TTLL5: variants seen among roughly 807,000 people sequenced by gnomAD.
The protein encoded by TTLL5 is tubulin polyglutamylase TTLL5.
Under a neutral mutation model 168.4 loss-of-function variants are expected in TTLL5, and 132 were observed. That is an observed-to-expected ratio of 0.78 (90% CI 0.68 to 0.91). The LOEUF (loss-of-function observed/expected upper bound fraction) is 0.91, where lower values mean the gene tolerates loss of function less well. Among genes scored for constraint, TTLL5 ranks in the 40% least tolerant of loss-of-function variants. TTLL5 has a pLI of 0.00. For synonymous variants in TTLL5, 546 were observed against 558.6 expected, an observed-to-expected ratio of 0.98 and a Z score of 0.32; for missense variants, 1,545 against 1,581.5, an observed-to-expected ratio of 0.98 and a Z score of 0.39.
intron 27 of TTLL5, among the ~76,000 whole-genome samples, chr14:75,819,254 G>A (rs573856065): frequency 3.5e-4 from 54 of 152,246 alleles, no homozygotes; most frequent in African/African-American, 1.2e-3. Flanking sequence ...TACAAATATT[G>A]TAATATATTT....
chr14:75,715,285 T>A (rs986902193), intron 9 of TTLL5, among the ~76,000 whole-genome samples: 3 of 150,418 alleles, frequency 2.0e-5, no homozygotes, highest in Non-Finnish European at 4.4e-5. Flanking sequence ...TTTTTTTTTT[T>A]TGTAACTCAC....
At chr14:75,909,138 C>G (rs1159074760) in intron 31 of TTLL5, among the ~76,000 whole-genome samples, 1 of 151,540 alleles carries the variant, frequency 6.6e-6, no homozygotes, top group Non-Finnish European at 1.5e-5. Flanking sequence ...CGAGAGAGTG[C>G]CTTTCACAGG....
intron 28 of TTLL5, among the ~76,000 whole-genome samples, chr14:75,823,604 T>G (rs1259490484): frequency 6.6e-6 from 1 of 152,186 alleles, no homozygotes; most frequent in African/African-American, 2.4e-5. Context: ...CCAGCATTTG[T>G]CATTGAATTA....
At chr14:75,721,146 C>G (rs1034354537) in intron 12 of TTLL5, among the ~76,000 whole-genome samples, 5 of 152,040 alleles carry the variant, frequency 3.3e-5, no homozygotes, top group Admixed American at 6.6e-5. Context: ...TGTTCCTCCC[C>G]CTCCTCTCTT....
At chr14:75,869,064 T>TGTGTGTGTGTGTGTGTGTGTG (rs2030794576) in intron 29 of TTLL5, among the ~76,000 whole-genome samples, 1 of 92,268 alleles carries the variant, frequency 1.1e-5, no homozygotes, top group African/African-American at 5.1e-5. Flanking sequence ...GTGTGTGTGT[T>TGTGTGTGTGTGTGTGTGTGTG]TAAGTTCCAG....
At chr14:75,883,326 T>G (rs761172371) in intron 30 of TTLL5, among the ~76,000 whole-genome samples, 8 of 152,266 alleles carry the variant, frequency 5.3e-5, no homozygotes, top group Non-Finnish European at 1.0e-4. Flanking sequence ...TCTACCTGTT[T>G]ACACCAAAAA....
intron 26 of TTLL5, among the ~76,000 whole-genome samples, chr14:75,790,796 T>TA: frequency 6.6e-6 from 1 of 150,464 alleles, no homozygotes; most frequent in East Asian, 2.0e-4. Context: ...TGTTGGAGTG[T>TA]AAAAAAATAC....
intron 23 of TTLL5, among the ~76,000 whole-genome samples, chr14:75,778,305 A>G (rs146171379): frequency 0.02 from 3,029 of 152,336 alleles, 47 homozygotes; most frequent in Non-Finnish European, 0.03. Context: ...GTACATGGAT[A>G]CTTTTCAGGG....
intron 9 of TTLL5, chr14:75,709,828 TAA>T (rs60209676): frequency 3.4e-3 from 136 of 39,872 alleles, no homozygotes; most frequent in East Asian, 0.016. Flanking sequence ...CCCATCTCAT[TAA>T]AAAAAAAAAA....
chr14:75,766,068 C>T lies in TTLL5; in HGVS notation c.1715C>T (p.Thr572Ile), dbSNP rs777619196. The T allele has an allele frequency of 6.2e-7, 1 of 1,610,216 alleles. No individual in the cohort carries two copies. Among genetic ancestry groups the T allele is most frequent in the South Asian group, 1.1e-5 (1 of 90,396 alleles). The change falls in exon 20 of 32, where the codon ACC (threonine) becomes ATC (isoleucine). Residue 572 changes from threonine (T) to isoleucine (I), a missense_variant. Thr to Ile is a moderately conservative substitution (Grantham distance 89). Coordinates refer to ENST00000298832, the MANE Select transcript of TTLL5 (RefSeq NM_015072.5). Reference sequence around the variant, plus strand: ...AGTGATTCTTCGTATTTAGTGATTACCCAACCAGCTGAAATGAATGTTAAA... The same window carrying T: ...AGTGATTCTTCGTATTTAGTGATTATCCAACCAGCTGAAATGAATGTTAAA... ...RAMRPKYPVI[T>I]QPAEMNVKTE... is the part of the protein sequence containing the mutation.
At chr14:75,781,981 G>T (rs200016655) in intron 24 of TTLL5, among the ~76,000 whole-genome samples, 1 of 125,898 alleles carries the variant, frequency 7.9e-6, no homozygotes, top group East Asian at 2.2e-4. Flanking sequence ...AAAAAAAAAA[G>T]CTGAGGAGTT....
At chr14:75,879,460 G>A (rs2031681718) in intron 29 of TTLL5, among the ~76,000 whole-genome samples, 1 of 152,204 alleles carries the variant, frequency 6.6e-6, no homozygotes, top group African/African-American at 2.4e-5. Context: ...GTAGAGGTTT[G>A]GGAAGGAATG....
chr14:75,895,164 T>A (rs1248017668), intron 30 of TTLL5, among the ~76,000 whole-genome samples: 3 of 152,210 alleles, frequency 2.0e-5, no homozygotes, highest in African/African-American at 7.2e-5. Flanking sequence ...GGCGAAATGA[T>A]CTAAAAAAAG....
At chr14:75,899,362 T>C (rs1379329129) in intron 30 of TTLL5, among the ~76,000 whole-genome samples, 3 of 152,202 alleles carry the variant, frequency 2.0e-5, no homozygotes, top group Non-Finnish European at 4.4e-5. Flanking sequence ...CTAGACAAGC[T>C]GAGTTTCAAA....
chr14:75,917,686 AT>A (rs1363986385), intron 31 of TTLL5, among the ~76,000 whole-genome samples: 3 of 152,226 alleles, frequency 2.0e-5, no homozygotes, highest in African/African-American at 7.2e-5. Context: ...GGTGGGGGTG[AT>A]CTGGGATCTT....
At position 75,816,199 on chromosome 14, in the gene TTLL5, C is replaced by T. The variant is rs143474084; in HGVS notation, c.3172-3808C>T. On this transcript the variant is annotated intron_variant, in intron 27 of 31. Transcript: ENST00000298832. ...AACCCAGCACTTTGGGAGGCCAAGG[C>T]GGGTAGACCACTTGAGGTCAGGGGT... Among the ~76,000 whole-genome samples, 955 of 152,272 alleles carry T rather than the reference C, an allele frequency of 6.3e-3. 8 individuals carry two copies. Among genetic ancestry groups the T allele is most frequent in the Non-Finnish European group, 0.011 (720 of 68,014 alleles).
Position 75,717,897 on chromosome 14 carries a change from C to T in TTLL5, c.777C>T (p.Asn259=), listed in dbSNP as rs1887577073. The T allele has an allele frequency of 6.2e-7, 1 of 1,613,710 alleles. No individual in the cohort carries two copies. Among genetic ancestry groups the T allele is most frequent in the South Asian group, 1.1e-5 (1 of 91,072 alleles). The change falls in exon 10 of 32, where the codon AAC becomes AAT. Residue 259 remains asparagine, a synonymous_variant. Transcript: ENST00000298832. ...TGCGATATGATCAAGGAGCCAAGAACATTCGGAACCAGTTCATGCATCTGA... is the reference window on the plus strand; with the variant it reads ...TGCGATATGATCAAGGAGCCAAGAATATTCGGAACCAGTTCATGCATCTGA... The part of the protein sequence containing the change: ...ATVRYDQGAK[N]IRNQFMHLTN...
chr14:75,779,852 G>T, intron 24 of TTLL5, 150 bp downstream of exon 24: 1 of 698,028 alleles, frequency 1.4e-6, no homozygotes, highest in Non-Finnish European at 2.1e-6. Context: ...GGAGAATGGG[G>T]GACAGTACTT....
At chr14:75,752,340 C>T (rs1890003752) in intron 17 of TTLL5, among the ~76,000 whole-genome samples, 1 of 152,154 alleles carries the variant, frequency 6.6e-6, no homozygotes, top group Admixed American at 6.5e-5. Context: ...ACTGCAGGAT[C>T]CGTGTTGGGC....
Sources: allele counts gnomAD v4.1 joint callset (sites outside exome capture counted in the v4.1 genomes callset), GRCh38; gene constraint gnomAD v4.1.1; transcripts MANE v1.5; gene names NCBI Gene and HGNC (gene_info 2026-07-23, HGNC 2026-07-21).